Variants in MICU3 observed in about 807,000 individuals in gnomAD.
MICU3 encodes the protein calcium uptake protein 3, mitochondrial.
Under a neutral mutation model 66.5 loss-of-function variants are expected in MICU3, and 62 were observed. The observed-to-expected ratio is 0.93, with a 90% confidence interval of 0.76 to 1.15. MICU3 has a LOEUF of 1.15. Among genes scored for constraint, MICU3 ranks in the 50% most tolerant of loss-of-function variants. The probability of loss-of-function intolerance (pLI) is 0.00; values close to 1 mark genes in which losing one functional copy is unlikely to be tolerated. For missense variants in MICU3, 779 were observed against 664.4 expected, an observed-to-expected ratio of 1.17 and a Z score of -1.90; for synonymous variants, 308 against 240.7, an observed-to-expected ratio of 1.28 and a Z score of -2.59.
At chr8:17,075,077 A>G (rs1820175981) in intron 3 of MICU3, among the ~76,000 whole-genome samples, 1 of 152,140 alleles carries the variant, frequency 6.6e-6, no homozygotes, top group Non-Finnish European at 1.5e-5. Context: ...ACCTATGGTT[A>G]TGGTTTTATT....
At chr8:17,099,224 G>A (rs1801042015) in intron 9 of MICU3, among the ~76,000 whole-genome samples, 1 of 151,674 alleles carries the variant, frequency 6.6e-6, no homozygotes, top group African/African-American at 2.4e-5. Flanking sequence ...ACTGTTTTGT[G>A]TTTCTTATTA....
chr8:17,105,334 G>T (rs2150813540), intron 10 of MICU3, 79 bp from the exon 11 acceptor site: 2 of 772,080 alleles, frequency 2.6e-6, no homozygotes, highest in East Asian at 2.8e-5. Context: ...CCTTTTCTAG[G>T]ACAGTGAGTA....
chr8:17,064,371 G>T, intron 2 of MICU3, 134 bp downstream of exon 2: 1 of 564,324 alleles, frequency 1.8e-6, no homozygotes. Context: ...GCTATTCAGT[G>T]TTACAGACTG....
chr8:17,090,213 C>T (rs1320297891), intron 7 of MICU3, among the ~76,000 whole-genome samples: 1 of 152,008 alleles, frequency 6.6e-6, no homozygotes, highest in Non-Finnish European at 1.5e-5. Flanking sequence ...CCCCCTATGC[C>T]ATGTAGCATT....
downstream of MICU3, among the ~76,000 whole-genome samples, chr8:17,124,365 C>G (rs1803349693): frequency 6.6e-6 from 1 of 152,038 alleles, no homozygotes; most frequent in Non-Finnish European, 1.5e-5. Context: ...GTGACCAGAA[C>G]TATATATTTA....
At chr8:17,031,262 T>TTTTTTTA (rs111800861) in intron 1 of MICU3, among the ~76,000 whole-genome samples, 12 of 139,194 alleles carry the variant, frequency 8.6e-5, no homozygotes, top group African/African-American at 2.7e-4. Context: ...TGCCACTTCA[T>TTTTTTTA]TTATTATTAT....
intron 13 of MICU3, among the ~76,000 whole-genome samples, chr8:17,118,329 G>C (rs996053252): frequency 1.3e-5 from 2 of 151,694 alleles, no homozygotes; most frequent in African/African-American, 4.9e-5. Context: ...TGGGGTAAAT[G>C]TGATATTTTG....
intron 1 of MICU3, among the ~76,000 whole-genome samples, chr8:17,044,080 G>A (rs1563283627): frequency 6.6e-6 from 1 of 152,158 alleles, no homozygotes; most frequent in Admixed American, 6.5e-5. Flanking sequence ...GCTAGCAAAT[G>A]ATAGGAGAGC....
intron 8 of MICU3, among the ~76,000 whole-genome samples, chr8:17,097,263 A>G (rs1238200585): frequency 2.0e-5 from 3 of 151,716 alleles, no homozygotes; most frequent in African/African-American, 7.3e-5. Flanking sequence ...AATAAAATGA[A>G]CTGTATTAGT....
At chr8:17,041,842 C>G (rs1814165821) in intron 1 of MICU3, among the ~76,000 whole-genome samples, 1 of 152,094 alleles carries the variant, frequency 6.6e-6, no homozygotes, top group Non-Finnish European at 1.5e-5. Context: ...AGGTGTTCTT[C>G]TTGCCTGATG....
chr8:17,049,889 CTT>C (rs1815767919), intron 1 of MICU3, among the ~76,000 whole-genome samples: 1 of 152,098 alleles, frequency 6.6e-6, no homozygotes, highest in South Asian at 2.1e-4. Flanking sequence ...AAGACATGAA[CTT>C]TTGTTTTTTT....
the MICU3 span, among the ~76,000 whole-genome samples, chr8:17,128,282 G>T: frequency 1.1e-3 from 167 of 150,488 alleles, no homozygotes; most frequent in African/African-American, 3.8e-3. Flanking sequence ...GAATGAAGCA[G>T]AAGAAACTAT....
intron 8 of MICU3, among the ~76,000 whole-genome samples, chr8:17,094,446 A>G (rs1400583583): frequency 2.0e-5 from 3 of 152,100 alleles, no homozygotes; most frequent in Non-Finnish European, 4.4e-5. Flanking sequence ...ATTTTAATGT[A>G]GGAAAAACAA....
chr8:17,034,789 G>A (rs971728468), intron 1 of MICU3, among the ~76,000 whole-genome samples: 2 of 152,212 alleles, frequency 1.3e-5, no homozygotes, highest in African/African-American at 4.8e-5. Flanking sequence ...CTCTATGAAT[G>A]AGCAAAGAAA....
intron 1 of MICU3, 85 bp from the exon 2 acceptor site, chr8:17,063,999 A>T (rs943353460): frequency 4.1e-6 from 4 of 984,234 alleles, no homozygotes; most frequent in Non-Finnish European, 4.4e-6. Flanking sequence ...TACTCTGTTT[A>T]TTCACTTTCA....
rs571095291 is a variant in MICU3, at chr8:17,122,051, G to T, written c.*1764G>T. On this transcript the variant is annotated 3_prime_UTR_variant, in exon 15 of 15. Transcript: ENST00000318063. Reference sequence around the variant, plus strand: ...GTACATGGCAAATCCTGCAAATATAGATTAAAAATTAAATTAGCCCATTGA... The same window carrying T: ...GTACATGGCAAATCCTGCAAATATATATTAAAAATTAAATTAGCCCATTGA... 8 of 151,856 alleles carry T rather than the reference G, an allele frequency of 5.3e-5. No homozygotes were observed. Among genetic ancestry groups the T allele is most frequent in the Non-Finnish European group, 1.2e-4 (8 of 67,728 alleles). 9.4% of individuals were successfully genotyped at this position (151,856 alleles called of 1,614,324 possible).
intron 11 of MICU3, among the ~76,000 whole-genome samples, chr8:17,112,173 G>C (rs948352054): frequency 2.6e-5 from 4 of 152,114 alleles, no homozygotes; most frequent in African/African-American, 7.2e-5. Flanking sequence ...TTTGGGTGGG[G>C]ACACAGAGCC....
intron 14 of MICU3, among the ~76,000 whole-genome samples, chr8:17,120,067 C>A (rs1188942435): frequency 6.6e-6 from 1 of 152,138 alleles, no homozygotes; most frequent in African/African-American, 2.4e-5. Context: ...TGCGTAGAGC[C>A]ATACCTGGAA....
chr8:17,109,881 T>G (rs185785194), intron 11 of MICU3, among the ~76,000 whole-genome samples: 1 of 152,204 alleles, frequency 6.6e-6, no homozygotes, highest in Non-Finnish European at 1.5e-5. Context: ...AGTATAATTA[T>G]TGTTATTAAG....
Sources: gnomAD v4.1 joint callset for allele counts (sites outside exome capture counted in the v4.1 genomes callset) on GRCh38, gnomAD v4.1.1 for gene constraint, MANE v1.5 for transcripts, NCBI Gene and HGNC (gene_info 2026-07-23, HGNC 2026-07-21) for gene names.